ZNF423: variants seen among roughly 807,000 people sequenced by gnomAD.
ZNF423 encodes Ebf-associated zinc finger protein.
A neutral mutation model predicts 95.8 loss-of-function variants in ZNF423; 12 were observed. The ratio of observed to expected loss-of-function variants is 0.13; its 90% CI spans 0.08 to 0.20. The LOEUF is 0.20. Among genes scored for constraint, ZNF423 ranks in the 10% least tolerant of loss-of-function variants. ZNF423 has a pLI of 1.00. For synonymous variants in ZNF423, 749 were observed against 711.9 expected, an observed-to-expected ratio of 1.05 and a Z score of -0.83; for missense variants, 1,316 against 1,737.1, an observed-to-expected ratio of 0.76 and a Z score of 4.31.
chr16:49,763,964 G>A (rs931540011), intron 2 of ZNF423, among the ~76,000 whole-genome samples: 3 of 152,252 alleles, frequency 2.0e-5, no homozygotes, highest in East Asian at 1.9e-4. Context: ...CTCCTCTGAC[G>A]GACCTTTGTG....
chr16:49,634,521 C>G (rs974904220), intron 4 of ZNF423, among the ~76,000 whole-genome samples: 1 of 152,036 alleles, frequency 6.6e-6, no homozygotes, highest in African/African-American at 2.4e-5. Flanking sequence ...CTCTTCTCTC[C>G]CCCTCTGCCC....
chr16:49,828,658 C>T (rs2035030638), intron 1 of ZNF423, among the ~76,000 whole-genome samples: 1 of 152,228 alleles, frequency 6.6e-6, no homozygotes, highest in Admixed American at 6.5e-5. Flanking sequence ...GCTCATTAGA[C>T]TCACACTGCA....
chr16:49,539,308 G>A (rs375136342), intron 5 of ZNF423, among the ~76,000 whole-genome samples: 50 of 152,160 alleles, frequency 3.3e-4, no homozygotes, highest in Non-Finnish European at 6.6e-4. Context: ...GGGGTGACGC[G>A]GTGGGGCTGC....
intron 3 of ZNF423, among the ~76,000 whole-genome samples, chr16:49,714,296 G>C (rs1159401904): frequency 6.6e-6 from 1 of 152,154 alleles, no homozygotes; most frequent in African/African-American, 2.4e-5. Flanking sequence ...GCAGGGATCT[G>C]GTCTACTCAG....
intron 5 of ZNF423, among the ~76,000 whole-genome samples, chr16:49,615,563 G>C (rs1370510278): frequency 6.6e-6 from 1 of 152,156 alleles, no homozygotes; most frequent in Non-Finnish European, 1.5e-5. Flanking sequence ...TCCCATGGTG[G>C]GGGCAGAGGG....
chr16:49,841,434 G>A (rs1325434164), intron 1 of ZNF423, among the ~76,000 whole-genome samples: 2 of 152,090 alleles, frequency 1.3e-5, no homozygotes, highest in African/African-American at 2.4e-5. Flanking sequence ...AAAGCCTAAG[G>A]TCCCCACCTC....
chr16:49,677,321 G>GAGAAGAGAAGAGAAGAGAAA (rs2031139077), intron 3 of ZNF423, among the ~76,000 whole-genome samples: 2 of 48,396 alleles, frequency 4.1e-5, no homozygotes, highest in African/African-American at 1.8e-4. Context: ...AGGAGGGGAA[G>GAGAAGAGAAGAGAAGAGAAA]GGAGGGGAGG....
chr16:49,833,236 G>A (rs949523071), intron 1 of ZNF423, among the ~76,000 whole-genome samples: 4 of 152,210 alleles, frequency 2.6e-5, no homozygotes, highest in Non-Finnish European at 5.9e-5. Context: ...ACACCACTCC[G>A]CAGAGAAAAC....
intron 3 of ZNF423, among the ~76,000 whole-genome samples, chr16:49,659,765 G>A (rs1265559376): frequency 1.3e-5 from 2 of 152,230 alleles, no homozygotes; most frequent in East Asian, 3.9e-4. Flanking sequence ...TCCTCATAGA[G>A]GGGTCTGGGA....
chr16:49,778,951 T>A (rs2034165744), intron 2 of ZNF423, among the ~76,000 whole-genome samples: 2 of 152,170 alleles, frequency 1.3e-5, no homozygotes, highest in Non-Finnish European at 2.9e-5. Context: ...CCATTTCCGA[T>A]GAGAAAATGA....
chr16:49,792,190 T>C (rs1256676578), intron 1 of ZNF423, among the ~76,000 whole-genome samples: 1 of 149,682 alleles, frequency 6.7e-6, no homozygotes, highest in African/African-American at 2.4e-5. Context: ...CTCTGACCTC[T>C]GTGCACCCAG....
At chr16:49,629,445 T>C (rs775629225) in intron 4 of ZNF423, among the ~76,000 whole-genome samples, 2 of 152,186 alleles carry the variant, frequency 1.3e-5, no homozygotes, top group African/African-American at 4.8e-5. Flanking sequence ...CACCCACAGT[T>C]CCCTAAGTAA....
At chr16:49,680,720 A>G (rs1362429408) in intron 3 of ZNF423, among the ~76,000 whole-genome samples, 1 of 152,224 alleles carries the variant, frequency 6.6e-6, no homozygotes, top group Non-Finnish European at 1.5e-5. Context: ...GGCTGTGTGA[A>G]GTGGCCGGAC....
chr16:49,597,896 TC>T (rs1200649079), intron 5 of ZNF423, among the ~76,000 whole-genome samples: 1 of 152,100 alleles, frequency 6.6e-6, no homozygotes, highest in East Asian at 1.9e-4. Context: ...CATTCCTCAG[TC>T]AAAAAGGGCT....
intron 1 of ZNF423, among the ~76,000 whole-genome samples, chr16:49,845,887 C>T (rs566992200): frequency 2.4e-4 from 36 of 152,154 alleles, no homozygotes. Flanking sequence ...GGAAGCCCAG[C>T]AGGCTGCTGG....
chr16:49,857,625 A>G (rs1009299406), upstream of ZNF423: 1 of 152,168 alleles, frequency 6.6e-6, no homozygotes, highest in Admixed American at 6.5e-5. This position sits in a 1 kb window ranked among gnomAD's most constrained non-coding sequence, Gnocchi z 6.2. Context: ...CCTGCCCCAC[A>G]TCCAACAAAT....
intron 5 of ZNF423, among the ~76,000 whole-genome samples, chr16:49,529,638 T>C (rs1247934176): frequency 2.6e-5 from 4 of 152,204 alleles, no homozygotes; most frequent in African/African-American, 9.6e-5. Flanking sequence ...GGCAGACACA[T>C]ACTTATTTCC....
intron 2 of ZNF423, among the ~76,000 whole-genome samples, chr16:49,770,703 G>C (rs2034017484): frequency 6.6e-6 from 1 of 152,160 alleles, no homozygotes; most frequent in South Asian, 2.1e-4. Context: ...CAAGGCATAG[G>C]GGCCAAGATG....
chr16:49,793,359 C>T (rs996253662), intron 1 of ZNF423, among the ~76,000 whole-genome samples: 9 of 152,176 alleles, frequency 5.9e-5, no homozygotes, highest in African/African-American at 2.2e-4. Context: ...GTTCTGCTGC[C>T]GAGCCCCACT....
Sources: allele counts gnomAD v4.1 joint callset (sites outside exome capture counted in the v4.1 genomes callset), GRCh38; gene constraint gnomAD v4.1.1; non-coding constraint Gnocchi (gnomAD v3.1); transcripts MANE v1.5; gene names NCBI Gene and HGNC (gene_info 2026-07-23, HGNC 2026-07-21).